ZFAND3: variants seen among roughly 807,000 people sequenced by gnomAD.
ZFAND3 encodes AN1-type zinc finger protein 3.
Under a neutral mutation model 29.6 loss-of-function variants are expected in ZFAND3, and 10 were observed. That is an observed-to-expected ratio of 0.34 (90% CI 0.21 to 0.57). The LOEUF is 0.57. Among genes scored for constraint, ZFAND3 ranks in the 20% least tolerant of loss-of-function variants. ZFAND3 has a pLI of 0.86. For missense variants in ZFAND3, 230 were observed against 304.5 expected, an observed-to-expected ratio of 0.76 and a Z score of 1.82; for synonymous variants, 128 against 112.6, an observed-to-expected ratio of 1.14 and a Z score of -0.87.
intron 4 of ZFAND3, among the ~76,000 whole-genome samples, chr6:38,089,076 T>G (rs1267027758): frequency 6.6e-6 from 1 of 152,190 alleles, no homozygotes; most frequent in Non-Finnish European, 1.5e-5. Context: ...GTTCTCTTTT[T>G]TCCCCCAAAA....
intron 2 of ZFAND3, among the ~76,000 whole-genome samples, chr6:38,030,409 A>G (rs1275720327): frequency 6.6e-6 from 1 of 152,036 alleles, no homozygotes; most frequent in Admixed American, 6.6e-5. Context: ...CTATAGCTGT[A>G]TCATCAAAAC....
At chr6:38,034,540 A>C (rs1763622217) in intron 2 of ZFAND3, among the ~76,000 whole-genome samples, 1 of 152,210 alleles carries the variant, frequency 6.6e-6, no homozygotes, top group South Asian at 2.1e-4. Context: ...GCTTGTCTTG[A>C]AAAATATGCA....
At chr6:37,857,031 C>G (rs145323013) in intron 1 of ZFAND3, among the ~76,000 whole-genome samples, 5 of 152,062 alleles carry the variant, frequency 3.3e-5, no homozygotes, top group African/African-American at 1.2e-4. Context: ...GCAGCCTGAC[C>G]TCTTGGGCTC....
At chr6:38,144,191 A>AT (rs1454244015) in intron 5 of ZFAND3, among the ~76,000 whole-genome samples, 612 of 41,786 alleles carry the variant, frequency 0.015, 15 homozygotes, top group African/African-American at 0.066. Flanking sequence ...TATAATATAT[A>AT]TATATATATA....
At chr6:38,144,197 A>ATATATAT in intron 5 of ZFAND3, among the ~76,000 whole-genome samples, 1 of 34,360 alleles carries the variant, frequency 2.9e-5, no homozygotes, top group African/African-American at 1.7e-4. Flanking sequence ...ATATATATAT[A>ATATATAT]TATATATATA....
rs188612860 is a variant in ZFAND3, at chr6:37,992,451, A to G, written c.112+62452A>G. ...TAAAACACTAGAACAGTGAATTCCT[A>G]TGTATCTTTCACTGAGACTGAGCAG... On this transcript the variant is annotated intron_variant, in intron 2 of 5. Coordinates refer to ENST00000287218, the MANE Select transcript of ZFAND3 (RefSeq NM_021943.3). Among the ~76,000 whole-genome samples the G allele has an allele frequency of 3.3e-4, 50 of 152,268 alleles. 1 individual carries two copies. Among genetic ancestry groups the G allele is most frequent in the African/African-American group, 1.1e-3 (45 of 41,562 alleles).
intron 2 of ZFAND3, among the ~76,000 whole-genome samples, chr6:37,974,165 C>T (rs542898606): frequency 2.0e-5 from 3 of 152,240 alleles, no homozygotes; most frequent in South Asian, 4.1e-4. Flanking sequence ...TAGGTTCAAG[C>T]GATTCTCATG....
chr6:38,025,712 G>A (rs1214620281), intron 2 of ZFAND3, among the ~76,000 whole-genome samples: 4 of 152,148 alleles, frequency 2.6e-5, no homozygotes, highest in African/African-American at 9.7e-5. Context: ...ACTGATACAT[G>A]CCACAACATA....
At chr6:38,103,540 CACAT>C (rs1014366315) in intron 4 of ZFAND3, among the ~76,000 whole-genome samples, 13 of 116,368 alleles carry the variant, frequency 1.1e-4, no homozygotes, top group African/African-American at 2.8e-4. Context: ...TATACACACA[CACAT>C]ACATACATAC....
At chr6:37,883,252 T>C (rs1764929793) in intron 1 of ZFAND3, among the ~76,000 whole-genome samples, 1 of 152,038 alleles carries the variant, frequency 6.6e-6, no homozygotes. Flanking sequence ...CTAAAGCATC[T>C]TACAGTCCTA....
chr6:37,884,301 C>T (rs1764950365), intron 1 of ZFAND3, among the ~76,000 whole-genome samples: 1 of 143,788 alleles, frequency 7.0e-6, no homozygotes, highest in Non-Finnish European at 1.5e-5. Flanking sequence ...TGAGACCAGC[C>T]TGGCCAACAC....
At chr6:38,152,043 C>T (rs1252728687) in intron 5 of ZFAND3, among the ~76,000 whole-genome samples, 192 bp from the exon 6 acceptor site, 1 of 152,174 alleles carries the variant, frequency 6.6e-6, no homozygotes, top group Non-Finnish European at 1.5e-5. Flanking sequence ...CTGTGGAATG[C>T]AAAGTGCTGA....
At chr6:38,003,737 C>G (rs1762993505) in intron 2 of ZFAND3, 1 of 428,964 alleles carries the variant, frequency 2.3e-6, no homozygotes, top group Non-Finnish European at 4.7e-6. Flanking sequence ...AACTCCTGAG[C>G]TCAAGTGATC....
chr6:38,056,219 T>C (rs533323187), intron 2 of ZFAND3, among the ~76,000 whole-genome samples: 1 of 152,304 alleles, frequency 6.6e-6, no homozygotes, highest in Middle Eastern at 3.4e-3. Flanking sequence ...CATGTATCTA[T>C]AAATGAATGA....
chr6:37,906,426 C>G (rs193181677), intron 1 of ZFAND3, among the ~76,000 whole-genome samples: 3 of 152,180 alleles, frequency 2.0e-5, no homozygotes, highest in Admixed American at 6.5e-5. Context: ...CTTGTTTATC[C>G]AGTAATCAGT....
chr6:37,994,616 A>G (rs971009229), intron 2 of ZFAND3, among the ~76,000 whole-genome samples: 1 of 152,198 alleles, frequency 6.6e-6, no homozygotes, highest in Non-Finnish European at 1.5e-5. Context: ...TATCAAATAC[A>G]GTGTAGATGC....
intron 1 of ZFAND3, among the ~76,000 whole-genome samples, chr6:37,909,286 T>C (rs980366797): frequency 6.6e-6 from 1 of 151,250 alleles, no homozygotes; most frequent in Admixed American, 6.6e-5. Context: ...CTTTTTTTTT[T>C]TTTTCTTTTT....
intron 2 of ZFAND3, among the ~76,000 whole-genome samples, chr6:37,993,371 G>C (rs1324242818): frequency 2.0e-5 from 3 of 151,916 alleles, no homozygotes; most frequent in African/African-American, 7.3e-5. Context: ...CTGTCACCCA[G>C]GCTGGAGCGC....
intron 4 of ZFAND3, among the ~76,000 whole-genome samples, chr6:38,106,796 A>G (rs1168195564): frequency 6.6e-6 from 1 of 152,188 alleles, no homozygotes; most frequent in African/African-American, 2.4e-5. Context: ...TTCAAAGCCC[A>G]ATGTCTGTTG....
Sources: allele counts gnomAD v4.1 joint callset (sites outside exome capture counted in the v4.1 genomes callset), GRCh38; gene constraint gnomAD v4.1.1; transcripts MANE v1.5; gene names NCBI Gene and HGNC (gene_info 2026-07-23, HGNC 2026-07-21).